The following MTSS1 variants were observed in gnomAD, a reference collection of about 807,000 sequenced individuals.
The protein encoded by MTSS1 is protein MTSS 1.
MTSS1 carries 18 observed loss-of-function variants against 79.0 expected under a neutral mutation model. That is an observed-to-expected ratio of 0.23 (90% confidence interval 0.16 to 0.34). The LOEUF (loss-of-function observed/expected upper bound fraction) is 0.34. MTSS1 is among the 10% of genes least tolerant of loss of function. The probability of loss-of-function intolerance (pLI) is 1.00; values close to 1 mark genes in which losing one functional copy is unlikely to be tolerated. For missense variants in MTSS1, 815 were observed against 986.2 expected, an observed-to-expected ratio of 0.83 and a Z score of 2.33; for synonymous variants, 341 against 368.6, an observed-to-expected ratio of 0.93 and a Z score of 0.86.
rs532153677 is a variant in MTSS1 at position 124,662,301 on chromosome 8, G to A, written c.208+37225C>T. Among the ~76,000 whole-genome samples, 22 of 152,274 alleles carry A rather than the reference G, an allele frequency of 1.4e-4. 1 individual carries two copies. The highest frequency in any genetic ancestry group is 1.3e-3 in the Admixed American group (20 of 15,302). On this transcript the variant is annotated intron_variant, in intron 3 of 13. Coordinates refer to ENST00000518547, the MANE Select transcript of MTSS1 (RefSeq NM_014751.6). ...GGTTTCTTGGCATCCAACACAATTA[G>A]GGCCCCTCCGCCAGGGCTCTAGGAG...
intron 3 of MTSS1, among the ~76,000 whole-genome samples, chr8:124,660,040 T>C (rs1323206581): frequency 1.3e-5 from 2 of 152,130 alleles, no homozygotes; most frequent in Non-Finnish European, 2.9e-5. Context: ...TTTCACATAC[T>C]GAAAAGTACC....
chr8:124,675,081 G>A (rs1043611593), intron 3 of MTSS1, among the ~76,000 whole-genome samples: 7 of 152,190 alleles, frequency 4.6e-5, no homozygotes, highest in Non-Finnish European at 7.3e-5. Flanking sequence ...AAGAAGTCAG[G>A]AAACAACAAG....
chr8:124,658,929 T>C (rs1388016022), intron 3 of MTSS1, among the ~76,000 whole-genome samples: 2 of 152,234 alleles, frequency 1.3e-5, no homozygotes, highest in East Asian at 3.8e-4. Context: ...AAATTTCTGT[T>C]GTTTGCACCA....
intron 3 of MTSS1, among the ~76,000 whole-genome samples, chr8:124,645,725 A>T (rs2134075812): frequency 6.6e-6 from 1 of 152,186 alleles, no homozygotes; most frequent in Non-Finnish European, 1.5e-5. Flanking sequence ...ACCCTTTATC[A>T]TGCGTATCCA....
chr8:124,674,693 A>C (rs143245863), intron 3 of MTSS1, among the ~76,000 whole-genome samples: 43 of 149,186 alleles, frequency 2.9e-4, no homozygotes, highest in African/African-American at 1.1e-3. Flanking sequence ...CTGGTTAAAA[A>C]CTCCCAAAAA....
At chr8:124,558,562 C>G (rs1824533733) in intron 10 of MTSS1, 1 of 1,146,170 alleles carries the variant, frequency 8.7e-7, no homozygotes, top group African/African-American at 1.6e-5. Flanking sequence ...AAAATGCCCT[C>G]AGCCTTGTCC....
rs1330772820 is a variant in MTSS1, at chr8:124,582,745, C to A, written c.460+2342G>T. On this transcript the variant is annotated intron_variant, in intron 6 of 13. Transcript: ENST00000518547. This position sits in a 1 kb window ranked among gnomAD's most constrained non-coding sequence, Gnocchi z 4.8. ...CCACTTGAAGGAGATGAAACAGATC[C>A]CTCGAGGTGTTCTAGTAGAAAGGGA... is the stretch of plus-strand genomic sequence containing the variant. Among the ~76,000 whole-genome samples the A allele has an allele frequency of 6.6e-6, 1 of 152,182 alleles. No individual in the cohort carries two copies. Among genetic ancestry groups the A allele is most frequent in the African/African-American group, 2.4e-5 (1 of 41,440 alleles).
chr8:124,703,332 G>A (rs887104365), intron 2 of MTSS1, among the ~76,000 whole-genome samples: 3 of 151,806 alleles, frequency 2.0e-5, no homozygotes, highest in East Asian at 1.9e-4. Flanking sequence ...TGCTCTTGTC[G>A]CCCAGGCTAG....
rs1309740667 is a variant in MTSS1 at position 124,555,846 on chromosome 8, T to G, written c.1463A>C (p.Gln488Pro). 20 of 1,613,024 alleles carry G rather than the reference T, an allele frequency of 1.2e-5. No individual in the cohort carries two copies. The highest frequency in any genetic ancestry group is 1.7e-5 in the Non-Finnish European group (20 of 1,179,970). ...CCGGCTGCTCCTCTGGGTGTCCAGC[T>G]GCAGGCCCCGAGACAGGGCCAGGGC... is the stretch of plus-strand genomic sequence containing the variant. The part of the protein sequence containing the change: ...ELALALSRGL[Q>P]LDTQRSSRDS... Residue 488 changes from glutamine to proline, a missense_variant, in exon 13 of 14, where the codon CAG (glutamine) becomes CCG (proline). This residue lies in a region of MTSS1 where 590 missense variants were observed against 620.8 expected (regional missense o/e 0.95). Coordinates refer to ENST00000518547, the MANE Select transcript of MTSS1 (RefSeq NM_014751.6).
chr8:124,579,458 C>A lies in MTSS1; in HGVS notation c.460+5629G>T, dbSNP rs188791171. The stretch of plus-strand genomic sequence containing the variant: ...GATAGTGGCGATGGTTGCATAACAC[C>A]ATGAATGTACTAAAAGCCACTGAAA... On this transcript the variant is annotated intron_variant, in intron 6 of 13. Coordinates refer to ENST00000518547, the MANE Select transcript of MTSS1 (RefSeq NM_014751.6). Among the ~76,000 whole-genome samples the A allele has an allele frequency of 1.9e-3, 289 of 152,288 alleles. 1 individual carries two copies. Among genetic ancestry groups the A allele is most frequent in the African/African-American group, 6.6e-3 (273 of 41,536 alleles).
chr8:124,578,937 T>A (rs1483129476), intron 6 of MTSS1, among the ~76,000 whole-genome samples: 1 of 152,204 alleles, frequency 6.6e-6, no homozygotes, highest in Non-Finnish European at 1.5e-5. Context: ...TCTGTATAAA[T>A]ATTTTAAACA....
intron 2 of MTSS1, among the ~76,000 whole-genome samples, chr8:124,702,129 G>C (rs1829787330): frequency 6.6e-6 from 1 of 152,162 alleles, no homozygotes; most frequent in Non-Finnish European, 1.5e-5. Context: ...CTGATAAAAG[G>C]GGAAGATAAC....
rs1829397734 is a variant in MTSS1 at position 124,699,545 on chromosome 8, G to A, written c.189C>T (p.Asp63=). The part of the protein sequence containing the change: ...AFLDAFQKVA[D]MATNTRGGTR... Reference sequence around the variant, plus strand: ...GCTTACCACGTGTGTTGGTGGCCATGTCAGCCACTTTCTGAAAGGCGTCCA... The same window carrying A: ...GCTTACCACGTGTGTTGGTGGCCATATCAGCCACTTTCTGAAAGGCGTCCA... The change falls in exon 3 of 14, where the codon GAC becomes GAT. Residue 63 remains aspartate (D), a synonymous_variant. Transcript: ENST00000518547. 10 of 1,614,176 alleles carry A rather than the reference G, an allele frequency of 6.2e-6. No homozygotes were observed. Among genetic ancestry groups the A allele is most frequent in the Non-Finnish European group, 8.5e-6 (10 of 1,180,008 alleles).
At chr8:124,707,147 C>T (rs1008582935) in intron 1 of MTSS1, among the ~76,000 whole-genome samples, 2 of 152,176 alleles carry the variant, frequency 1.3e-5, no homozygotes. Context: ...CTCTCGGCTA[C>T]ACAAGGAAGA....
At chr8:124,557,906 G>T in intron 10 of MTSS1, 31 bp from the exon 11 acceptor site, 1 of 1,505,862 alleles carries the variant, frequency 6.6e-7, no homozygotes, top group East Asian at 2.4e-5. Flanking sequence ...GGGGGGGGAA[G>T]GAAAAAAAAT....
At chr8:124,579,022 C>T (rs1004293674) in intron 6 of MTSS1, among the ~76,000 whole-genome samples, 4 of 152,046 alleles carry the variant, frequency 2.6e-5, no homozygotes, top group African/African-American at 9.7e-5. Context: ...GCCTATGAAC[C>T]AGCCCCTACA....
At chr8:124,723,712 G>A (rs1244117416) in intron 1 of MTSS1, among the ~76,000 whole-genome samples, 1 of 152,290 alleles carries the variant, frequency 6.6e-6, no homozygotes, top group Admixed American at 6.5e-5. Flanking sequence ...CCCAAAACGA[G>A]GAAGCTGTAA....
chr8:124,561,280 T>C (rs1424346653), intron 10 of MTSS1, among the ~76,000 whole-genome samples: 1 of 152,066 alleles, frequency 6.6e-6, no homozygotes, highest in African/African-American at 2.4e-5. Context: ...TAGCTGGGAA[T>C]GGTGGCGCGT....
intron 3 of MTSS1, among the ~76,000 whole-genome samples, chr8:124,643,698 C>CAAA (rs11323836): frequency 5.2e-4 from 35 of 66,792 alleles, no homozygotes; most frequent in Admixed American, 9.1e-4. Context: ...AATTCCGTCT[C>CAAA]AAAAAAAAAA....
Sources: gnomAD v4.1 joint callset for allele counts (sites outside exome capture counted in the v4.1 genomes callset) on GRCh38, gnomAD v4.1.1 for gene constraint, gnomAD v4.1.1 regional missense constraint, Gnocchi (gnomAD v3.1) non-coding constraint, MANE v1.5 for transcripts, NCBI Gene and HGNC (gene_info 2026-07-23, HGNC 2026-07-21) for gene names.